Variants in CARD8 observed in about 807,000 individuals in gnomAD.
The protein encoded by CARD8 is caspase recruitment domain-containing protein 8.
CARD8 carries 38 observed loss-of-function variants against 53.2 expected under a neutral mutation model. The observed-to-expected ratio is 0.71, with a 90% CI of 0.55 to 0.94. The LOEUF (loss-of-function observed/expected upper bound fraction) is 0.94. CARD8 is among the 40% of genes least tolerant of loss of function. The pLI, the probability that CARD8 is intolerant of heterozygous loss-of-function variation, is 0.00. For synonymous variants in CARD8, 245 were observed against 244.9 expected (o/e 1.00, Z 0.00); for missense variants, 561 against 655.5 (o/e 0.86, Z 1.57).
At chr19:48,245,739 T>C (rs1447034648) in intron 3 of CARD8, among the ~76,000 whole-genome samples, 1 of 149,600 alleles carries the variant, frequency 6.7e-6, no homozygotes, top group Non-Finnish European at 1.5e-5. Context: ...GAATGTTAGC[T>C]ATATATAATT....
rs1161159256 is a variant in CARD8, at chr19:48,210,684, CATATT to C, written c.*1021_*1025del. Reference sequence around the variant, plus strand: ...CTGGCTGACTGAGGATAAATCCTAACATATTAATAATTACATTAACGTAAGTAATT... The same window carrying C: ...CTGGCTGACTGAGGATAAATCCTAACAATAATTACATTAACGTAAGTAATT... On this transcript the variant is annotated 3_prime_UTR_variant, in exon 14 of 14. Transcript: ENST00000651546. The C allele has an allele frequency of 1.3e-5, 2 of 152,064 alleles. No homozygotes were observed. The highest frequency in any genetic ancestry group is 4.8e-5 in the African/African-American group (2 of 41,390). The allele number at this position is 152,064 out of a possible 1,614,324, so 9.4% of individuals were successfully genotyped here. A position where few individuals can be genotyped will look rare whatever the true frequency, so the allele number is the denominator to read the frequency against.
chr19:48,224,722 T>C (rs2041378816), intron 10 of CARD8, among the ~76,000 whole-genome samples: 1 of 151,460 alleles, frequency 6.6e-6, no homozygotes, highest in Admixed American at 6.6e-5. Flanking sequence ...TCAACAAAAT[T>C]TCAAGAGGTA....
chr19:48,241,359 G>A (rs2045040217), intron 3 of CARD8, among the ~76,000 whole-genome samples: 1 of 152,138 alleles, frequency 6.6e-6, no homozygotes, highest in Non-Finnish European at 1.5e-5. Flanking sequence ...GGGTTCAAGC[G>A]ATTCTCCTGC....
chr19:48,234,729 T>C (rs994302844), intron 5 of CARD8, among the ~76,000 whole-genome samples, 186 bp from the exon 6 acceptor site: 2 of 152,212 alleles, frequency 1.3e-5, no homozygotes, highest in African/African-American at 2.4e-5. Flanking sequence ...TTACATCTCA[T>C]TATGTTAAAT....
intron 11 of CARD8, among the ~76,000 whole-genome samples, chr19:48,219,224 C>A (rs2039995000): frequency 6.6e-6 from 1 of 152,208 alleles, no homozygotes; most frequent in Non-Finnish European, 1.5e-5. Flanking sequence ...TAGCTGTCAA[C>A]ACCACATGAG....
chr19:48,236,545 T>C (rs565954318), intron 5 of CARD8, among the ~76,000 whole-genome samples: 178 of 152,218 alleles, frequency 1.2e-3, no homozygotes, highest in African/African-American at 4.1e-3. Flanking sequence ...AAGTAGTTCT[T>C]TAAGCTCTAC....
At chr19:48,207,736 T>TTTTTTTTTTTTG (rs1568595529), downstream of CARD8, among the ~76,000 whole-genome samples, 7 of 90,614 alleles carry the variant, frequency 7.7e-5, no homozygotes, top group African/African-American at 2.2e-4. Context: ...GTTTTTCTGT[T>TTTTTTTTTTTTG]TTTTTTTTTT....
At chr19:48,207,734 G>GGTTTTTTTTTTTTGTT (rs1555790115), downstream of CARD8, among the ~76,000 whole-genome samples, 1 of 116,552 alleles carries the variant, frequency 8.6e-6, no homozygotes, top group Non-Finnish European at 1.7e-5. Context: ...TTGTTTTTCT[G>GGTTTTTTTTTTTTGTT]TTTTTTTTTT....
chr19:48,225,008 C>T (rs980268900), intron 10 of CARD8, among the ~76,000 whole-genome samples: 2 of 152,006 alleles, frequency 1.3e-5, no homozygotes, highest in Non-Finnish European at 2.9e-5. Context: ...CCACCTCGGC[C>T]TCCCAAAGTC....
downstream of CARD8, chr19:48,204,154 C>T (rs1168433081): frequency 4.4e-6 from 2 of 455,188 alleles, no homozygotes; most frequent in Non-Finnish European, 8.8e-6. Flanking sequence ...GGTGAGGAGG[C>T]GGACGCGGGA....
At chr19:48,206,575 ATCC>A, downstream of CARD8, 1 of 458,042 alleles carries the variant, frequency 2.2e-6, no homozygotes. Flanking sequence ...TCACGGGCCA[ATCC>A]TTCATAGGGT....
rs551348655 is a variant in CARD8, at chr19:48,215,397, G to GA, written c.1304-14dup. 1.7e-4 allele frequency: 269 copies of GA among 1,594,432 alleles called. 1 individual carries two copies. Among genetic ancestry groups the GA allele is most frequent in the African/African-American group, 1.7e-3 (125 of 74,580 alleles). On this transcript the variant is annotated splice_polypyrimidine_tract_variant and intron_variant, in intron 12 of 13. Coordinates refer to ENST00000651546, the MANE Select transcript of CARD8 (RefSeq NM_001184900.3). ...AGCTGGAGATCCACTACAAAAGAGGGAAAAATTATATGATGAGATGAGATA... is the reference window on the plus strand; with the variant it reads ...AGCTGGAGATCCACTACAAAAGAGGGAAAAAATTATATGATGAGATGAGATA...
chr19:48,207,742 T>TTTTTTTTTTTTTTTTTTTTTTTTTTTC (rs1568595977), downstream of CARD8, among the ~76,000 whole-genome samples: 1 of 132,442 alleles, frequency 7.6e-6, no homozygotes, highest in Non-Finnish European at 1.6e-5. Context: ...CTGTTTTTTT[T>TTTTTTTTTTTTTTTTTTTTTTTTTTTC]TTTTTTTTTT....
chr19:48,223,659 C>A, intron 10 of CARD8: 3 of 305,442 alleles, frequency 9.8e-6, no homozygotes, highest in Non-Finnish European at 1.3e-5. Context: ...CAAATAAATC[C>A]ATATCACATT....
intron 10 of CARD8, among the ~76,000 whole-genome samples, chr19:48,222,650 C>T (rs1312548720): frequency 6.6e-6 from 1 of 151,322 alleles, no homozygotes; most frequent in Non-Finnish European, 1.5e-5. Flanking sequence ...GATTGCGCCA[C>T]TGCATTCCAG....
At chr19:48,245,786 CTAATT>C (rs2046009931) in intron 3 of CARD8, among the ~76,000 whole-genome samples, 1 of 148,046 alleles carries the variant, frequency 6.8e-6, no homozygotes, top group African/African-American at 2.5e-5. Context: ...TATAAAATAA[CTAATT>C]TATTGTATTG....
At chr19:48,225,690 T>C (rs1166865496) in intron 10 of CARD8, among the ~76,000 whole-genome samples, 2 of 151,948 alleles carry the variant, frequency 1.3e-5, no homozygotes, top group Non-Finnish European at 2.9e-5. Flanking sequence ...AGGACAGAAG[T>C]GCTGGAACAT....
chr19:48,231,609 C>G, intron 8 of CARD8, 51 bp downstream of exon 8: 1 of 1,535,614 alleles, frequency 6.5e-7, no homozygotes, highest in Non-Finnish European at 8.8e-7. Context: ...GGCCTACACA[C>G]TTCCTTTATA....
chr19:48,208,048 T>G (rs1366578395), downstream of CARD8: 1 of 152,136 alleles, frequency 6.6e-6, no homozygotes, highest in Non-Finnish European at 1.5e-5. Context: ...CTATTTTTAA[T>G]TTAGCATCCT....
Sources: gnomAD v4.1 joint callset for allele counts (sites outside exome capture counted in the v4.1 genomes callset) on GRCh38, gnomAD v4.1.1 for gene constraint, MANE v1.5 for transcripts, NCBI Gene and HGNC (gene_info 2026-07-23, HGNC 2026-07-21) for gene names.